The following LHX3 variants were observed in gnomAD, a reference collection of about 807,000 sequenced individuals.
The protein encoded by LHX3 is LIM homeobox 3.
Under a neutral mutation model 32.4 loss-of-function variants are expected in LHX3, and 21 were observed. The observed-to-expected ratio is 0.65, with a 90% CI of 0.46 to 0.93. LHX3 has a LOEUF of 0.93. Among genes scored for constraint, LHX3 ranks in the 40% least tolerant of loss-of-function variants. The probability of loss-of-function intolerance (pLI) is 0.00; values close to 1 mark genes in which losing one functional copy is unlikely to be tolerated. For missense variants in LHX3, 626 were observed against 560.0 expected (o/e 1.12, Z -1.19); for synonymous variants, 258 against 246.8 (o/e 1.05, Z -0.43).
At chr9:136,199,585 G>A (rs1310408597) in intron 3 of LHX3, 93 bp downstream of exon 3, 1 of 1,368,616 alleles carries the variant, frequency 7.3e-7, no homozygotes, top group Non-Finnish European at 1.0e-6. Flanking sequence ...TGAGCGCTTG[G>A]GGAGAGAATT....
chr9:136,204,981 C>A lies in LHX3; in HGVS notation c.32G>T (p.Arg11Leu). The stretch of plus-strand genomic sequence containing the variant: ...GACGGCGGCGGCCCCGGGCCTCGCT[C>A]GGTCGCGCTCGAGCCCCGTTTCCAG... Reference protein sequence around the residue: MLLETGLERDRARPGAAAVCT... With the variant: MLLETGLERDLARPGAAAVCT... The change falls in exon 1 of 6, where the codon CGA becomes CTA. Residue 11 changes from arginine to leucine, a missense_variant. Physicochemically the swap from Arg to Leu is moderately radical, Grantham distance 102. Coordinates refer to ENST00000371748, the MANE Select transcript of LHX3 (RefSeq NM_178138.6). The A allele has an allele frequency of 6.3e-7, 1 of 1,593,212 alleles. No homozygotes were observed. The highest frequency in any genetic ancestry group is 1.1e-5 in the South Asian group (1 of 89,106).
At position 136,197,495 on chromosome 9, in the gene LHX3, T is replaced by C. The variant is rs1260618703; in HGVS notation, c.1024A>G (p.Thr342Ala). 2.6e-6 allele frequency: 4 copies of C among 1,555,496 alleles called. No homozygotes were observed. Among genetic ancestry groups the C allele is most frequent in the Non-Finnish European group, 2.6e-6 (3 of 1,149,798 alleles). The stretch of plus-strand genomic sequence containing the variant: ...CCCGAGGGCACAAGGCCCAAGCTGG[T>C]GTCTGGGTACACCAGGCTGGAGAGG... ...PLLSSLVYPD[T>A]SLGLVPSGAP... is the part of the protein sequence containing the mutation. The change falls in exon 6 of 6, where the codon ACC becomes GCC. Residue 342 changes from threonine (T) to alanine (A), a missense_variant. Thr to Ala is a moderately conservative substitution (Grantham distance 58, BLOSUM62 0). Transcript: ENST00000371748.
intron 1 of LHX3, among the ~76,000 whole-genome samples, chr9:136,202,409 G>A (rs979768700): frequency 6.6e-5 from 10 of 152,292 alleles, no homozygotes; most frequent in African/African-American, 2.4e-4. Flanking sequence ...AGGAAGCTGG[G>A]GGGCCTGGAG....
At chr9:136,200,533 G>A (rs1264161658) in intron 2 of LHX3, 49 bp downstream of exon 2, 3 of 1,591,002 alleles carry the variant, frequency 1.9e-6, no homozygotes, top group Admixed American at 3.4e-5. Context: ...GAGTCCCTGG[G>A]GCAGGCGTGC....
At chr9:136,203,918 G>A (rs566114507) in intron 1 of LHX3, among the ~76,000 whole-genome samples, 6 of 152,336 alleles carry the variant, frequency 3.9e-5, no homozygotes, top group Non-Finnish European at 7.4e-5. Flanking sequence ...GCAGAGGGAC[G>A]CACCCACCCC....
In LHX3 at chr9:136,197,600, G is replaced by C. The variant is rs145867977; in HGVS notation, c.919C>G (p.Arg307Gly). Reference sequence around the variant, plus strand: ...TAGGGGCTGCCGGGACGCAGCTCTCGGTACTGCTCTGGGCCTGCCAGGCCT... The same window carrying C: ...TAGGGGCTGCCGGGACGCAGCTCTCCGTACTGCTCTGGGCCTGCCAGGCCT... The part of the protein sequence containing the change: ...HGGLAGPEQY[R>G]ELRPGSPYGV... The change falls in exon 6 of 6, where the codon CGA becomes GGA. Residue 307 changes from arginine to glycine, a missense_variant. By Grantham distance (125) the Arg-to-Gly change is moderately radical. Transcript: ENST00000371748. 53 of 1,549,260 alleles carry C rather than the reference G, an allele frequency of 3.4e-5. No homozygotes were observed. Among genetic ancestry groups the C allele is most frequent in the East Asian group, 7.2e-5 (3 of 41,428 alleles).
rs1831507383 is a variant in LHX3, at chr9:136,197,069, A to C, written c.*256T>G. 1.7e-6 allele frequency: 1 copy of C among 585,746 alleles called. No individual in the cohort carries two copies. Among genetic ancestry groups the C allele is most frequent in the Non-Finnish European group, 3.1e-6 (1 of 327,716 alleles). The allele number at this position is 585,746 out of a possible 1,614,324, so 36.3% of individuals were successfully genotyped here. A position where few individuals can be genotyped will look rare whatever the true frequency, so the allele number is the denominator to read the frequency against. Reference sequence around the variant, plus strand: ...CAAGTGCTCAGTTAATTGGTCAATAAAGGGGAGAAATTTGCTTACAAAAAA... The same window carrying C: ...CAAGTGCTCAGTTAATTGGTCAATACAGGGGAGAAATTTGCTTACAAAAAA... On this transcript the variant is annotated 3_prime_UTR_variant, in exon 6 of 6. Coordinates refer to ENST00000371748, the MANE Select transcript of LHX3 (RefSeq NM_178138.6).
At chr9:136,204,654 C>A (rs950707690) in intron 1 of LHX3, among the ~76,000 whole-genome samples, 1 of 152,192 alleles carries the variant, frequency 6.6e-6, no homozygotes, top group Non-Finnish European at 1.5e-5. Context: ...GAACCTAGCA[C>A]CCCTTGGTCG....
chr9:136,197,236 C>T lies in LHX3; in HGVS notation c.*89G>A, dbSNP rs939887545. 2 of 1,399,962 alleles carry T rather than the reference C, an allele frequency of 1.4e-6. No homozygotes were observed. Among genetic ancestry groups the T allele is most frequent in the Non-Finnish European group, 1.0e-6 (1 of 1,002,324 alleles). The allele number at this position is 1,399,962 out of a possible 1,614,324, so 86.7% of individuals were successfully genotyped here. On this transcript the variant is annotated 3_prime_UTR_variant, in exon 6 of 6. Coordinates refer to ENST00000371748, the MANE Select transcript of LHX3 (RefSeq NM_178138.6). ...CACCAGCCCTCCCTTGACGCCCTGG[C>T]CCCACTTCCTCGGAAACCCCAGCAG...
chr9:136,202,091 C>G (rs1831653541), intron 1 of LHX3, among the ~76,000 whole-genome samples: 2 of 152,082 alleles, frequency 1.3e-5, no homozygotes, highest in African/African-American at 4.8e-5. Flanking sequence ...AGCCTGGACG[C>G]CAGCCCGCCC....
intron 3 of LHX3, 74 bp downstream of exon 3, chr9:136,199,604 C>T (rs573010641): frequency 9.4e-6 from 14 of 1,496,574 alleles, no homozygotes; most frequent in Middle Eastern, 1.7e-4. Context: ...TTTCCCCGGA[C>T]GCCCCCCTGG....
At chr9:136,200,439 G>T (rs1347197424) in intron 2 of LHX3, 143 bp downstream of exon 2, 2 of 971,114 alleles carry the variant, frequency 2.1e-6, no homozygotes, top group African/African-American at 1.6e-5. Context: ...AGGCCACAGG[G>T]TGCCCTGCCT....
chr9:136,200,615 C>G lies in LHX3; in HGVS notation c.218G>C (p.Gly73Ala). Residue 73 changes from glycine (G) to alanine (A), a missense_variant, in exon 2 of 6, where the codon GGG becomes GCG. By Grantham distance (60) the Gly-to-Ala change is moderately conservative. Transcript: ENST00000371748. ...TPLAERCFSR[G>A]ESVYCKDDFF... is the part of the protein sequence containing the mutation. ...GTCGTCCTTGCAGTAAACGCTCTCC[C>G]CTCGGCTGAAGCAGCGCTCGGCCAG... The G allele has an allele frequency of 6.2e-7, 1 of 1,613,586 alleles. No homozygotes were observed. Among genetic ancestry groups the G allele is most frequent in the Non-Finnish European group, 8.5e-7 (1 of 1,180,032 alleles).
intron 1 of LHX3, chr9:136,203,178 C>A: frequency 1.6e-6 from 2 of 1,234,228 alleles, no homozygotes; most frequent in Non-Finnish European, 2.0e-6. Flanking sequence ...CGCCCTGGGG[C>A]CCGGAGCCTC....
chr9:136,203,962 G>C (rs1831703837), intron 1 of LHX3, among the ~76,000 whole-genome samples: 1 of 152,212 alleles, frequency 6.6e-6, no homozygotes, highest in Non-Finnish European at 1.5e-5. Flanking sequence ...ACCAGCCCTG[G>C]GCAGCCACCC....
chr9:136,200,614 C>T lies in LHX3; in HGVS notation c.219G>A (p.Gly73=), dbSNP rs776207489. The change falls in exon 2 of 6, where the codon GGG becomes GGA. Residue 73 remains glycine (G), a synonymous_variant. Coordinates refer to ENST00000371748, the MANE Select transcript of LHX3 (RefSeq NM_178138.6). The part of the protein sequence containing the change: ...TPLAERCFSR[G]ESVYCKDDFF... ...AGTCGTCCTTGCAGTAAACGCTCTC[C>T]CCTCGGCTGAAGCAGCGCTCGGCCA... 5.0e-6 allele frequency: 8 copies of T among 1,613,594 alleles called. No individual in the cohort carries two copies. Among genetic ancestry groups the T allele is most frequent in the South Asian group, 3.3e-5 (3 of 91,088 alleles).
chr9:136,200,231 T>A (rs1588626415), intron 2 of LHX3: 1 of 549,454 alleles, frequency 1.8e-6, no homozygotes, highest in Admixed American at 3.1e-5. Flanking sequence ...GGTGCCAGCA[T>A]TAGGAACTAA....
At chr9:136,200,061 G>A (rs1296578419) in intron 2 of LHX3, 181 bp from the exon 3 acceptor site, 1 of 709,792 alleles carries the variant, frequency 1.4e-6, no homozygotes, top group Non-Finnish European at 2.5e-6. Context: ...ACTGAGAAGG[G>A]AACCTCAATC....
intron 2 of LHX3, 108 bp downstream of exon 2, chr9:136,200,474 G>A: frequency 7.8e-7 from 1 of 1,274,440 alleles, no homozygotes; most frequent in Non-Finnish European, 1.1e-6. Flanking sequence ...GGCTGGGATT[G>A]CGAGAGACGC....
Sources: gnomAD v4.1 joint callset for allele counts (sites outside exome capture counted in the v4.1 genomes callset) on GRCh38, gnomAD v4.1.1 for gene constraint, MANE v1.5 for transcripts, NCBI Gene and HGNC (gene_info 2026-07-23, HGNC 2026-07-21) for gene names.